The following SPPL2B variants were observed in gnomAD, a reference collection of about 807,000 sequenced individuals.
SPPL2B encodes signal peptide peptidase-like 2B.
A neutral mutation model predicts 59.7 loss-of-function variants in SPPL2B; 39 were observed. That is an observed-to-expected ratio of 0.65 (90% CI 0.51 to 0.85). The LOEUF is 0.85. Ranked by LOEUF, SPPL2B falls within the 40% of genes least tolerant of loss-of-function variation. SPPL2B has a pLI of 0.00. For missense variants in SPPL2B, 865 were observed against 849.0 expected (o/e 1.02, Z -0.23); for synonymous variants, 419 against 370.8 (o/e 1.13, Z -1.49).
At chr19:2,334,465 G>A (rs766655232) in intron 1 of SPPL2B, 137 bp from the exon 2 acceptor site, 4 of 1,192,456 alleles carry the variant, frequency 3.4e-6, no homozygotes, top group South Asian at 3.1e-5. Context: ...GTCGAGAGGG[G>A]GAAGCATCCC....
At chr19:2,329,755 C>T (rs1388313874) in intron 1 of SPPL2B, among the ~76,000 whole-genome samples, 3 of 152,236 alleles carry the variant, frequency 2.0e-5, no homozygotes. Flanking sequence ...AGGGGTGACC[C>T]TTTCAAAGTA....
Position 2,344,355 on chromosome 19 carries a change from T to A in SPPL2B, c.1114-7T>A. ...CACGCTCCCTCACTCAACCCCATTCTGTGCAGAGTGGGAGCAGCATCATGG... is the reference window on the plus strand; with the variant it reads ...CACGCTCCCTCACTCAACCCCATTCAGTGCAGAGTGGGAGCAGCATCATGG... On this transcript the variant is annotated splice_polypyrimidine_tract_variant and splice_region_variant and intron_variant, in intron 10 of 14. Transcript: ENST00000613503. 5 of 1,235,962 alleles carry A rather than the reference T, an allele frequency of 4.0e-6. No homozygotes were observed. The highest frequency in any genetic ancestry group is 5.3e-6 in the Non-Finnish European group (5 of 937,222). The allele number at this position is 1,235,962 out of a possible 1,614,324, so 76.6% of individuals were successfully genotyped here. A position where few individuals can be genotyped will look rare whatever the true frequency, so the allele number is the denominator to read the frequency against.
intron 2 of SPPL2B, among the ~76,000 whole-genome samples, chr19:2,336,496 T>C (rs1429933781): frequency 1.3e-5 from 2 of 151,986 alleles, no homozygotes; most frequent in Non-Finnish European, 2.9e-5. Context: ...AGTGCATGTG[T>C]AATAGGTATG....
chr19:2,340,672 G>A (rs369155741), intron 7 of SPPL2B, among the ~76,000 whole-genome samples: 15 of 152,262 alleles, frequency 9.9e-5, no homozygotes, highest in African/African-American at 3.6e-4. Context: ...GCAGGCGAGG[G>A]GCTCTGTGGG....
At chr19:2,329,671 C>T (rs1350032939) in intron 1 of SPPL2B, among the ~76,000 whole-genome samples, 4 of 152,134 alleles carry the variant, frequency 2.6e-5, no homozygotes, top group Non-Finnish European at 4.4e-5. Flanking sequence ...AGTCTCCACT[C>T]CTCCAGCCCC....
chr19:2,328,835 C>G (rs934462012), intron 1 of SPPL2B, 60 bp downstream of exon 1: 2 of 1,297,504 alleles, frequency 1.5e-6, no homozygotes, highest in Non-Finnish European at 2.0e-6. Context: ...CTCTCTGTCC[C>G]CGGGCTACGC....
In SPPL2B at chr19:2,337,529, G is replaced by C; in HGVS notation, c.273G>C (p.Pro91=). 1 of 1,613,064 alleles carries C rather than the reference G, an allele frequency of 6.2e-7. No individual in the cohort carries two copies. The highest frequency in any genetic ancestry group is 8.5e-7 in the Non-Finnish European group (1 of 1,179,666). Residue 91 remains proline, a synonymous_variant, in exon 3 of 15, where the codon CCG becomes CCC. Coordinates refer to ENST00000613503, the MANE Select transcript of SPPL2B (RefSeq NM_152988.3). ...LPARGFSNQI[P]LVARGNCTFY... ...CCCGTGGCTTCAGCAACCAGATCCCGCTGGTGGCGCGGGGGAACTGCACCT... is the reference window on the plus strand; with the variant it reads ...CCCGTGGCTTCAGCAACCAGATCCCCCTGGTGGCGCGGGGGAACTGCACCT...
intron 13 of SPPL2B, among the ~76,000 whole-genome samples, chr19:2,345,687 C>T (rs1330634486): frequency 2.0e-5 from 3 of 149,776 alleles, no homozygotes; most frequent in Admixed American, 6.6e-5. Flanking sequence ...CTGCAACCCC[C>T]TCTTTCTCAT....
chr19:2,341,518 G>A (rs1253364125), intron 8 of SPPL2B: 1 of 446,436 alleles, frequency 2.2e-6, no homozygotes. Flanking sequence ...GCCTCCCGCT[G>A]GCCGGGCCTC....
intron 9 of SPPL2B, among the ~76,000 whole-genome samples, 199 bp from the exon 10 acceptor site, chr19:2,343,766 A>C (rs1422653244): frequency 6.6e-6 from 1 of 152,056 alleles, no homozygotes; most frequent in Non-Finnish European, 1.5e-5. Context: ...GAGACTCTAA[A>C]AGCCTGACTT....
At chr19:2,342,033 C>T (rs1002223268) in intron 8 of SPPL2B, 2 of 161,424 alleles carry the variant, frequency 1.2e-5, no homozygotes, top group East Asian at 1.8e-4. Context: ...CCATGGAGGC[C>T]TCTGCTGTTA....
At position 2,353,019 on chromosome 19, in the gene SPPL2B, C is replaced by T. The variant is rs1415713199; in HGVS notation, c.1589C>T (p.Pro530Leu). Reference protein sequence around the residue: ...GPQPPKDSATPLSPQPPSEEP... With the variant: ...GPQPPKDSATLLSPQPPSEEP... ...CAGCCTCCCAAAGACTCTGCCACGC[C>T]ACTCTCCCCGCAGCCGCCCAGCGAA... Residue 530 changes from proline to leucine, a missense_variant, in exon 15 of 15, where the codon CCA (proline) becomes CTA (leucine). Coordinates refer to ENST00000613503, the MANE Select transcript of SPPL2B (RefSeq NM_152988.3). 1 of 1,612,152 alleles carries T rather than the reference C, an allele frequency of 6.2e-7. No individual in the cohort carries two copies. The highest frequency in any genetic ancestry group is 1.7e-5 in the Admixed American group (1 of 59,966).
At chr19:2,341,189 T>C in intron 8 of SPPL2B, 175 bp downstream of exon 8, 1 of 694,970 alleles carries the variant, frequency 1.4e-6, no homozygotes, top group East Asian at 2.7e-5. Flanking sequence ...CGAGGGCGTT[T>C]CACCTGGGGT....
intron 3 of SPPL2B, 38 bp from the exon 4 acceptor site, chr19:2,338,714 G>T: frequency 6.8e-7 from 1 of 1,468,020 alleles, no homozygotes; most frequent in Non-Finnish European, 9.5e-7. Flanking sequence ...ACCCACTGCT[G>T]CGGGTGATGC....
Position 2,339,629 on chromosome 19 carries a change from C to G in SPPL2B, c.600-195C>G, listed in dbSNP as rs1287998224. ...GCCACCCCAGCTCAACCCAGGGACG[C>G]GGGCCCTGCCACCCTCTGCTGTGTG... On this transcript the variant is annotated intron_variant, in intron 5 of 14. Transcript: ENST00000613503. The G allele has an allele frequency of 4.3e-5, 28 of 647,918 alleles. No homozygotes were observed. In the South Asian group the frequency reaches 4.8e-4, roughly 11 times the overall value. The allele number at this position is 647,918 out of a possible 1,614,324, so 40.1% of individuals were successfully genotyped here. A position where few individuals can be genotyped will look rare whatever the true frequency, so the allele number is the denominator to read the frequency against.
intron 2 of SPPL2B, among the ~76,000 whole-genome samples, chr19:2,335,915 A>C (rs896808863): frequency 3.3e-5 from 5 of 152,148 alleles, no homozygotes; most frequent in African/African-American, 1.2e-4. Context: ...ATGTGTCTGC[A>C]TGTTTATGTG....
At position 2,334,648 on chromosome 19, in the gene SPPL2B, GC is replaced by G; in HGVS notation, c.117del (p.Glu40LysfsTer65). 6.2e-7 allele frequency: 1 copy of G among 1,613,028 alleles called. No individual in the cohort carries two copies. The highest frequency in any genetic ancestry group is 1.7e-5 in the Admixed American group (1 of 59,926). ...GTGCACGTGGTCTCCCAGGCCGGGG[GC>G]CCCGAAGGCAAAGACTACTGCATCC... ...GMVHVVSQAG[G>X]PEGKDYCILY... On this transcript the variant is annotated frameshift_variant, in exon 2 of 15. Transcript: ENST00000613503. LOFTEE classifies it high-confidence loss of function.
chr19:2,334,787 C>CA, intron 2 of SPPL2B, 66 bp downstream of exon 2: 2 of 1,452,962 alleles, frequency 1.4e-6, no homozygotes, highest in East Asian at 5.3e-5. Flanking sequence ...TCTAGAGACA[C>CA]ATCCGGCTGG....
chr19:2,330,114 A>ATT (rs71176539), intron 1 of SPPL2B, among the ~76,000 whole-genome samples: 94,605 of 147,772 alleles, frequency 0.64, 30,460 homozygotes, highest in Non-Finnish European at 0.67. Flanking sequence ...AAGCAGATCT[A>ATT]TTTTTTTTTT....
Sources: gnomAD v4.1 joint callset for allele counts (sites outside exome capture counted in the v4.1 genomes callset) on GRCh38, gnomAD v4.1.1 for gene constraint, MANE v1.5 for transcripts, NCBI Gene and HGNC (gene_info 2026-07-23, HGNC 2026-07-21) for gene names.